GMPR: variants seen among roughly 807,000 people sequenced by gnomAD.
GMPR encodes GMP reductase 1.
Under a neutral mutation model 38.4 loss-of-function variants are expected in GMPR, and 31 were observed. That is an observed-to-expected ratio of 0.81 (90% CI 0.61 to 1.09). The LOEUF (loss-of-function observed/expected upper bound fraction) is 1.09. GMPR is among the 50% of genes least tolerant of loss of function. The pLI is 0.00. For missense variants in GMPR, 468 were observed against 453.7 expected (o/e 1.03, Z -0.29); for synonymous variants, 162 against 173.3 (o/e 0.93, Z 0.51).
chr6:16,260,669 G>A (rs1289414991), intron 4 of GMPR, among the ~76,000 whole-genome samples: 3 of 151,982 alleles, frequency 2.0e-5, no homozygotes, highest in South Asian at 4.2e-4. Context: ...TCTAAGAGGC[G>A]GGCTAGTGGC....
chr6:16,238,622 G>A lies in GMPR; in HGVS notation c.-72G>A. 6.2e-6 allele frequency: 3 copies of A among 482,370 alleles called. No homozygotes were observed. Among genetic ancestry groups the A allele is most frequent in the Non-Finnish European group, 5.6e-6 (2 of 355,834 alleles). 29.9% of individuals were successfully genotyped at this position (482,370 alleles called of 1,614,324 possible). On this transcript the variant is annotated 5_prime_UTR_variant, in exon 1 of 9. Transcript: ENST00000259727. ...CCGGCCGCGGCACAGCAGCCCCGGC[G>A]CTCCCCGCGCCGCCCCGCGCAGGCG...
At chr6:16,272,065 G>A (rs1017602933) in intron 4 of GMPR, among the ~76,000 whole-genome samples, 2 of 151,988 alleles carry the variant, frequency 1.3e-5, no homozygotes, top group African/African-American at 4.8e-5. Flanking sequence ...ACAAAAATTA[G>A]CCAGGCAGTG....
At chr6:16,248,374 C>T (rs918804908) in intron 2 of GMPR, among the ~76,000 whole-genome samples, 1 of 150,240 alleles carries the variant, frequency 6.7e-6, no homozygotes, top group African/African-American at 2.5e-5. Flanking sequence ...GTGGGCAGGA[C>T]ATTTATGGGT....
At chr6:16,242,788 A>G (rs1758676567) in intron 1 of GMPR, among the ~76,000 whole-genome samples, 1 of 152,078 alleles carries the variant, frequency 6.6e-6, no homozygotes, top group Non-Finnish European at 1.5e-5. Context: ...ATAGGCATGC[A>G]CCACCACGTC....
intron 4 of GMPR, among the ~76,000 whole-genome samples, chr6:16,264,125 G>T (rs565612721): frequency 6.6e-6 from 1 of 152,072 alleles, no homozygotes; most frequent in East Asian, 1.9e-4. Context: ...TCCCTGCAAT[G>T]ATTAAACACC....
intron 4 of GMPR, among the ~76,000 whole-genome samples, chr6:16,260,918 A>G (rs1448922697): frequency 6.6e-6 from 1 of 152,078 alleles, no homozygotes; most frequent in African/African-American, 2.4e-5. Flanking sequence ...GGGACTTAAC[A>G]AAGAGTGAGT....
rs776497768 is a variant in GMPR at position 16,240,137 on chromosome 6, A to AT, written c.87+1360dup. On this transcript the variant is annotated intron_variant, in intron 1 of 8. Coordinates refer to ENST00000259727, the MANE Select transcript of GMPR (RefSeq NM_006877.4). ...AATATTCTTTAAATATTCAAAATGT[A>AT]TTTAGAAGAGAGAAACTCATTTTTC... 5.3e-5 allele frequency among the ~76,000 whole-genome samples: 8 copies of AT among 152,364 alleles called. No individual in the cohort carries two copies. The East Asian group carries it at 9.6e-4, about 18-fold the overall frequency.
chr6:16,267,339 T>C (rs530094263), intron 4 of GMPR, among the ~76,000 whole-genome samples: 1 of 151,888 alleles, frequency 6.6e-6, no homozygotes, highest in African/African-American at 2.4e-5. Flanking sequence ...GCCACTGCAC[T>C]CCGGCCTGGG....
intron 4 of GMPR, among the ~76,000 whole-genome samples, chr6:16,259,645 A>G (rs916987772): frequency 2.0e-5 from 3 of 151,892 alleles, no homozygotes; most frequent in Non-Finnish European, 4.4e-5. Context: ...GTTAGAAGAA[A>G]CATTTGTCAT....
intron 4 of GMPR, among the ~76,000 whole-genome samples, chr6:16,269,924 AT>A (rs1285600390): frequency 6.6e-6 from 1 of 152,240 alleles, no homozygotes; most frequent in African/African-American, 2.4e-5. Flanking sequence ...ATAGATGGCC[AT>A]CTTTTCATTG....
intron 5 of GMPR, among the ~76,000 whole-genome samples, chr6:16,274,840 G>C (rs1157850700): frequency 6.6e-6 from 1 of 152,160 alleles, no homozygotes; most frequent in Non-Finnish European, 1.5e-5. Flanking sequence ...AGAATCCATA[G>C]AGACAGTTAA....
chr6:16,258,117 C>T (rs1023952244), intron 4 of GMPR: 8 of 152,208 alleles, frequency 5.3e-5, no homozygotes, highest in African/African-American at 1.9e-4. Flanking sequence ...ATTTGCTCGT[C>T]TCTGGTGAGT....
intron 5 of GMPR, among the ~76,000 whole-genome samples, chr6:16,276,993 A>G (rs1471122455): frequency 6.6e-6 from 1 of 152,164 alleles, no homozygotes; most frequent in Non-Finnish European, 1.5e-5. Context: ...CCTCACTACT[A>G]TCAGAACCCC....
chr6:16,289,403 C>T (rs1445193648), intron 7 of GMPR: 3 of 152,192 alleles, frequency 2.0e-5, no homozygotes, highest in Non-Finnish European at 2.9e-5. Context: ...ACTTTTTTTC[C>T]CACGTTTTTA....
At chr6:16,291,765 G>C (rs778220121) in intron 8 of GMPR, among the ~76,000 whole-genome samples, 2 of 152,044 alleles carry the variant, frequency 1.3e-5, no homozygotes, top group African/African-American at 2.4e-5. Flanking sequence ...TTAAAAATTA[G>C]CTGGGTGTGG....
chr6:16,278,718 G>A (rs536543840), intron 5 of GMPR, 66 bp from the exon 6 acceptor site: 22 of 1,082,090 alleles, frequency 2.0e-5, no homozygotes, highest in African/African-American at 2.0e-4. Flanking sequence ...TAAGGGGGAC[G>A]CATTTCATGT....
At chr6:16,257,952 G>A (rs777227356) in intron 4 of GMPR, 6 of 152,228 alleles carry the variant, frequency 3.9e-5, no homozygotes, top group Non-Finnish European at 8.8e-5. Context: ...CCAGAAGTCA[G>A]TGTGGGCACA....
At chr6:16,290,674 C>A in intron 8 of GMPR, 53 bp downstream of exon 8, 1 of 1,511,536 alleles carries the variant, frequency 6.6e-7, no homozygotes, top group Non-Finnish European at 9.2e-7. Flanking sequence ...GCTTTTCTTA[C>A]GGAGATGGGA....
At chr6:16,276,619 G>C (rs1313111674) in intron 5 of GMPR, among the ~76,000 whole-genome samples, 1 of 152,150 alleles carries the variant, frequency 6.6e-6, no homozygotes, top group East Asian at 1.9e-4. Flanking sequence ...GTCTGTGTAG[G>C]ACAGATGTGA....
Sources: gnomAD v4.1 joint callset for allele counts (sites outside exome capture counted in the v4.1 genomes callset) on GRCh38, gnomAD v4.1.1 for gene constraint, MANE v1.5 for transcripts, NCBI Gene and HGNC (gene_info 2026-07-23, HGNC 2026-07-21) for gene names.